Variants in CD109 observed in about 807,000 individuals in gnomAD.
The protein encoded by CD109 is CD109 antigen.
CD109 carries 149 observed loss-of-function variants against 165.8 expected under a neutral mutation model. That is an observed-to-expected ratio of 0.90 (90% confidence interval 0.79 to 1.03). The LOEUF (loss-of-function observed/expected upper bound fraction) is 1.03. Ranked by LOEUF, CD109 falls within the 50% of genes least tolerant of loss-of-function variation. The probability of loss-of-function intolerance (pLI) is 0.00; values close to 1 mark genes in which losing one functional copy is unlikely to be tolerated. For missense variants in CD109, 1,712 were observed against 1,677.8 expected (o/e 1.02, Z -0.36); for synonymous variants, 585 against 592.1 (o/e 0.99, Z 0.18).
chr6:73,788,600 A>G lies in CD109; in HGVS notation c.2689A>G (p.Ile897Val), dbSNP rs1340150177. 2.5e-6 allele frequency: 4 copies of G among 1,612,560 alleles called. No individual in the cohort carries two copies. Among genetic ancestry groups the G allele is most frequent in the African/African-American group, 1.3e-5 (1 of 74,990 alleles). Residue 897 changes from isoleucine to valine, a missense_variant, in exon 22 of 33, where the codon ATC becomes GTC. Coordinates refer to ENST00000287097, the MANE Select transcript of CD109 (RefSeq NM_133493.5). ...AGTGACTGGCAGTGAAAGAGTTCAGATCACTGCAATTGGTAAGAATAGAGT... is the reference window on the plus strand; with the variant it reads ...AGTGACTGGCAGTGAAAGAGTTCAGGTCACTGCAATTGGTAAGAATAGAGT... ...NTVTGSERVQITAIGDVLGPS... is the reference protein window; with the variant it reads ...NTVTGSERVQVTAIGDVLGPS...
chr6:73,686,364 T>A, the CD109 span, among the ~76,000 whole-genome samples: 1 of 152,220 alleles, frequency 6.6e-6, no homozygotes, highest in Non-Finnish European at 1.5e-5. Flanking sequence ...TGTTTGATAG[T>A]GTTTTGCACA....
At chr6:73,786,195 C>T (rs111763317) in intron 20 of CD109, among the ~76,000 whole-genome samples, 18 of 152,236 alleles carry the variant, frequency 1.2e-4, no homozygotes, top group African/African-American at 3.4e-4. Context: ...ATTGGATTCA[C>T]GTACCTTGTA....
At chr6:73,782,881 AT>A in intron 18 of CD109, 126 bp downstream of exon 18, 1 of 763,786 alleles carries the variant, frequency 1.3e-6, no homozygotes, top group Non-Finnish European at 2.0e-6. Flanking sequence ...GACCAAAAGG[AT>A]TTTTTAGGAA....
chr6:73,785,428 A>T lies in CD109; in HGVS notation c.2288A>T (p.Glu763Val). 6.2e-7 allele frequency: 1 copy of T among 1,607,666 alleles called. No individual in the cohort carries two copies. Among genetic ancestry groups the T allele is most frequent in the Non-Finnish European group, 8.5e-7 (1 of 1,177,148 alleles). ...CCCTACTCTGTTATCAGAGGTGAAG[A>T]ATTTGCTTTGGAAATAACTATATTC... ...NLPYSVIRGE[E>V]FALEITIFNY... The change falls in exon 20 of 33, where the codon GAA (glutamate) becomes GTA (valine). Residue 763 changes from glutamate (E) to valine (V), a missense_variant. Physicochemically the swap from Glu to Val is moderately radical, Grantham distance 121. Transcript: ENST00000287097.
Position 73,762,633 on chromosome 6 carries a change from A to T in CD109, c.856-108A>T, listed in dbSNP as rs962083916. ...AATGAGAATTTATGCAATTATAGCG[A>T]TTAAAATGGTACCAGAGCTATCATA... On this transcript the variant is annotated intron_variant, in intron 8 of 32. Transcript: ENST00000287097. 3 of 1,016,704 alleles carry T rather than the reference A, an allele frequency of 3.0e-6. No individual in the cohort carries two copies. In the African/African-American group the frequency reaches 4.9e-5, roughly 17 times the overall value. 63.0% of individuals were successfully genotyped at this position (1,016,704 alleles called of 1,614,324 possible).
intron 23 of CD109, among the ~76,000 whole-genome samples, chr6:73,801,508 C>T (rs4708088): frequency 0.38 from 58,447 of 152,042 alleles, 11,541 homozygotes; most frequent in African/African-American, 0.46. Context: ...TACCATAAGT[C>T]TTAAATATCA....
intron 30 of CD109, among the ~76,000 whole-genome samples, chr6:73,816,025 T>A (rs898289104): frequency 3.9e-5 from 6 of 152,148 alleles, no homozygotes; most frequent in Admixed American, 3.9e-4. Context: ...CTGGCAGATG[T>A]TCTTCAAGGT....
In CD109 at chr6:73,780,784, TATAA is replaced by T. The variant is rs1230586062; in HGVS notation, c.1902+290_1902+293del. ...ATATATTTTATGTATATATATAATA[TATAA>T]ATATATTTTATGTATATATATAATA... On this transcript the variant is annotated intron_variant, in intron 16 of 32. Transcript: ENST00000287097. 2.8e-5 allele frequency among the ~76,000 whole-genome samples: 4 copies of T among 144,854 alleles called. No individual in the cohort carries two copies. In the South Asian group the frequency reaches 8.5e-4, roughly 31 times the overall value.
At chr6:73,768,260 G>T in intron 14 of CD109, 29 bp downstream of exon 14, 1 of 1,377,336 alleles carries the variant, frequency 7.3e-7, no homozygotes, top group Non-Finnish European at 1.0e-6. Context: ...ATGTTTAAAA[G>T]AAAACTTTAT....
rs58482860 is a variant in CD109, at chr6:73,699,558, A to G, written c.247+1986A>G. 4.6e-3 allele frequency among the ~76,000 whole-genome samples: 695 copies of G among 151,494 alleles called. 6 individuals are homozygous for G. Among genetic ancestry groups the G allele is most frequent in the African/African-American group, 0.016 (657 of 41,322 alleles). Reference sequence around the variant, plus strand: ...GTTATCAGTCTCTCTTTTTTTTTGCAACAAATAGTACCTACATTGGGGTGC... The same window carrying G: ...GTTATCAGTCTCTCTTTTTTTTTGCGACAAATAGTACCTACATTGGGGTGC... On this transcript the variant is annotated intron_variant, in intron 2 of 32. Coordinates refer to ENST00000287097, the MANE Select transcript of CD109 (RefSeq NM_133493.5).
At position 73,749,301 on chromosome 6, in the gene CD109, A is replaced by G. The variant is rs552949159; in HGVS notation, c.634-7342A>G. On this transcript the variant is annotated intron_variant, in intron 5 of 32. Coordinates refer to ENST00000287097, the MANE Select transcript of CD109 (RefSeq NM_133493.5). ...TGTGGGTCTCCGTTTCCTCAGCTGTAAAATAAGGGGTTTGGATCAAGGGAT... is the reference window on the plus strand; with the variant it reads ...TGTGGGTCTCCGTTTCCTCAGCTGTGAAATAAGGGGTTTGGATCAAGGGAT... 5.4e-4 allele frequency among the ~76,000 whole-genome samples: 82 copies of G among 152,290 alleles called. 1 individual carries two copies. The highest frequency in any genetic ancestry group is 2.0e-3 in the African/African-American group (82 of 41,558).
intron 32 of CD109, among the ~76,000 whole-genome samples, 165 bp from the exon 33 acceptor site, chr6:73,823,293 C>A (rs1322097147): frequency 6.6e-6 from 1 of 152,184 alleles, no homozygotes; most frequent in Non-Finnish European, 1.5e-5. Context: ...TTGGTTAGTA[C>A]TTTGGACCAC....
intron 2 of CD109, among the ~76,000 whole-genome samples, chr6:73,708,843 G>A (rs528738219): frequency 3.4e-4 from 51 of 152,116 alleles, no homozygotes; most frequent in Non-Finnish European, 6.6e-4. Flanking sequence ...TGTTGATGGG[G>A]TTGTTTGTTT....
At position 73,696,305 on chromosome 6, in the gene CD109, C is replaced by T. The variant is rs1417475431; in HGVS notation, c.74+16C>T. On this transcript the variant is annotated intron_variant, in intron 1 of 32. Coordinates refer to ENST00000287097, the MANE Select transcript of CD109 (RefSeq NM_133493.5). ...TGGCTCCCGGGTAGGAACGTGGGCG[C>T]GCGGGGGGCGCGCGGGCGCGCGGGC... 1 of 1,414,062 alleles carries T rather than the reference C, an allele frequency of 7.1e-7. No individual in the cohort carries two copies. 87.6% of individuals were successfully genotyped at this position (1,414,062 alleles called of 1,614,324 possible).
intron 2 of CD109, among the ~76,000 whole-genome samples, chr6:73,704,635 A>G (rs1771199267): frequency 6.6e-6 from 1 of 152,204 alleles, no homozygotes; most frequent in African/African-American, 2.4e-5. Flanking sequence ...GGGCTGGGTT[A>G]CTGTTGATCC....
In CD109 at chr6:73,766,627, G is replaced by T. The variant is rs1227792472; in HGVS notation, c.1333-132G>T. 10 of 628,026 alleles carry T rather than the reference G, an allele frequency of 1.6e-5. No individual in the cohort carries two copies. In the Admixed American group the frequency reaches 1.7e-4, roughly 11 times the overall value. 38.9% of individuals were successfully genotyped at this position (628,026 alleles called of 1,614,324 possible). A position where few individuals can be genotyped will look rare whatever the true frequency, so the allele number is the denominator to read the frequency against. ...TAAAATGATGAAAATCCAATGTCTG[G>T]TGAATGTATTTTTCTTGCATTAAAA... On this transcript the variant is annotated intron_variant, in intron 11 of 32. Coordinates refer to ENST00000287097, the MANE Select transcript of CD109 (RefSeq NM_133493.5).
At position 73,767,117 on chromosome 6, in the gene CD109, GT is replaced by G. The variant is rs199717739; in HGVS notation, c.1497+108del. ...AGGTTTGTTATATAGCTAAACTCAT[GT>G]CATGGGGGTTTGTTGTACAGATTAT... On this transcript the variant is annotated intron_variant, in intron 13 of 32. Transcript: ENST00000287097. 2.3e-3 allele frequency: 1,937 copies of G among 856,752 alleles called. 60 individuals carry two copies. In the East Asian group the frequency reaches 0.046, roughly 20 times the overall value. 53.1% of individuals were successfully genotyped at this position (856,752 alleles called of 1,614,324 possible).
chr6:73,690,645 C>A, the CD109 span, among the ~76,000 whole-genome samples: 1 of 152,238 alleles, frequency 6.6e-6, no homozygotes, highest in Non-Finnish European at 1.5e-5. Context: ...AGGTGATCTG[C>A]CCGCCTCGGC....
chr6:73,811,370 A>G (rs1775754419), intron 28 of CD109, among the ~76,000 whole-genome samples: 1 of 152,150 alleles, frequency 6.6e-6, no homozygotes, highest in Non-Finnish European at 1.5e-5. Flanking sequence ...GCACTGTAAC[A>G]TTGGGAAAGG....
Sources: gnomAD v4.1 joint callset for allele counts (sites outside exome capture counted in the v4.1 genomes callset) on GRCh38, gnomAD v4.1.1 for gene constraint, MANE v1.5 for transcripts, NCBI Gene and HGNC (gene_info 2026-07-23, HGNC 2026-07-21) for gene names.